Variants in DLG1 observed in about 807,000 individuals in gnomAD.
The protein encoded by DLG1 is disks large homolog 1.
A neutral mutation model predicts 123.4 loss-of-function variants in DLG1; 42 were observed. That is an observed-to-expected ratio of 0.34 (90% CI 0.27 to 0.44). The LOEUF is 0.44. Ranked by LOEUF, DLG1 falls within the 20% of genes least tolerant of loss-of-function variation. DLG1 has a pLI of 1.00. For missense variants in DLG1, 942 were observed against 1,082.6 expected, an observed-to-expected ratio of 0.87 and a Z score of 1.82; for synonymous variants, 317 against 356.2, an observed-to-expected ratio of 0.89 and a Z score of 1.24.
chr3:197,100,645 T>C (rs1480327201), intron 14 of DLG1, among the ~76,000 whole-genome samples: 1 of 150,518 alleles, frequency 6.6e-6, no homozygotes, highest in Non-Finnish European at 1.5e-5. Context: ...ATTCCAAGAG[T>C]TTAATGAGTA....
chr3:197,184,699 C>T (rs1340476484), intron 5 of DLG1, among the ~76,000 whole-genome samples: 1 of 152,160 alleles, frequency 6.6e-6, no homozygotes, highest in African/African-American at 2.4e-5. Flanking sequence ...TATAAACATT[C>T]ATATTACAAG....
intron 4 of DLG1, among the ~76,000 whole-genome samples, chr3:197,224,317 T>C (rs1429656929): frequency 6.6e-6 from 1 of 152,156 alleles, no homozygotes; most frequent in Admixed American, 6.6e-5. Flanking sequence ...TCTTAAAACC[T>C]TTTATAATAA....
chr3:197,175,294 G>A (rs1414880766), intron 5 of DLG1, among the ~76,000 whole-genome samples: 1 of 152,060 alleles, frequency 6.6e-6, no homozygotes. Flanking sequence ...AAAAATGGAG[G>A]GCTGGAAATG....
intron 18 of DLG1, among the ~76,000 whole-genome samples, chr3:197,073,181 G>A (rs958184890): frequency 6.6e-6 from 1 of 152,164 alleles, no homozygotes; most frequent in Non-Finnish European, 1.5e-5. Flanking sequence ...ATGAAAATAA[G>A]TCTGTTTTTG....
intron 23 of DLG1, among the ~76,000 whole-genome samples, chr3:197,058,900 A>C (rs181505087): frequency 1.0e-3 from 157 of 152,250 alleles, no homozygotes; most frequent in South Asian, 6.8e-3. Flanking sequence ...TTCCTGTTGG[A>C]GTGAATATTT....
chr3:197,049,128 G>A (rs569529977), intron 24 of DLG1, among the ~76,000 whole-genome samples: 66 of 22,332 alleles, frequency 3.0e-3, no homozygotes, highest in African/African-American at 0.013. Flanking sequence ...AGACCAGCAC[G>A]GCCAACCCTG....
intron 1 of DLG1, chr3:197,297,554 G>A: frequency 1.9e-6 from 2 of 1,076,092 alleles, no homozygotes; most frequent in Non-Finnish European, 2.3e-6. Context: ...CTGCTACTGG[G>A]TACGGGCGGG....
intron 22 of DLG1, among the ~76,000 whole-genome samples, chr3:197,061,241 T>G (rs143918863): frequency 1.3e-5 from 2 of 152,362 alleles, no homozygotes; most frequent in Non-Finnish European, 2.9e-5. Flanking sequence ...ATAGACACCA[T>G]GTACCCATTA....
intron 24 of DLG1, among the ~76,000 whole-genome samples, chr3:197,051,354 C>T (rs959445246): frequency 3.9e-5 from 6 of 151,988 alleles, no homozygotes; most frequent in South Asian, 2.1e-4. Flanking sequence ...GCCAGGGAGG[C>T]GGAGGTTGCG....
At chr3:197,277,725 A>C (rs1579226851) in intron 4 of DLG1, among the ~76,000 whole-genome samples, 1 of 151,464 alleles carries the variant, frequency 6.6e-6, no homozygotes, top group African/African-American at 2.4e-5. Flanking sequence ...AATTCCTCCT[A>C]CTCTTTACTC....
chr3:197,109,418 C>T (rs1358835266), intron 13 of DLG1, among the ~76,000 whole-genome samples: 2 of 152,184 alleles, frequency 1.3e-5, no homozygotes, highest in Admixed American at 1.3e-4. Flanking sequence ...AGTTTCTTTA[C>T]CCGCCTTGTG....
chr3:197,080,066 G>C (rs1388861738), intron 17 of DLG1, among the ~76,000 whole-genome samples: 1 of 151,372 alleles, frequency 6.6e-6, no homozygotes, highest in South Asian at 2.1e-4. Flanking sequence ...TATTCAGTTT[G>C]TTCTCCAGGC....
intron 7 of DLG1, among the ~76,000 whole-genome samples, chr3:197,141,777 C>T (rs997590803): frequency 2.0e-5 from 3 of 152,148 alleles, no homozygotes; most frequent in Admixed American, 6.5e-5. Flanking sequence ...GGCTAGAGTG[C>T]GATCTCGGCT....
At chr3:197,090,150 C>T (rs985414771) in intron 15 of DLG1, among the ~76,000 whole-genome samples, 4 of 151,936 alleles carry the variant, frequency 2.6e-5, no homozygotes, top group Non-Finnish European at 5.9e-5. Flanking sequence ...AGAATCAGGA[C>T]GACTGAGATG....
chr3:197,293,864 G>A (rs1421147682), intron 3 of DLG1: 2 of 152,584 alleles, frequency 1.3e-5, no homozygotes, highest in Non-Finnish European at 3.0e-5. Flanking sequence ...TTAATCCAGT[G>A]GTCCACAGGT....
At chr3:197,054,394 T>C (rs1578191819) in intron 23 of DLG1, among the ~76,000 whole-genome samples, 1 of 152,010 alleles carries the variant, frequency 6.6e-6, no homozygotes, top group African/African-American at 2.4e-5. Flanking sequence ...TGGTGTCTTA[T>C]AGGTCCCTTA....
In DLG1 at chr3:197,044,683, T is replaced by C. The variant is rs35370245; in HGVS notation, c.2622A>G (p.Lys874=). ...AACCAGATTGTTCTTCTATGATCTG[T>C]TTCACTTGGTTGTAAATGTCTTCCA... The part of the protein sequence containing the change: ...DTLEDIYNQV[K]QIIEEQSGSY... Residue 874 remains lysine, a synonymous_variant, in exon 25 of 25, where the codon AAA becomes AAG. Transcript: ENST00000667157. The C allele has an allele frequency of 0.046, 73,745 of 1,605,700 alleles. 2,039 individuals are homozygous for C. Among genetic ancestry groups the C allele is most frequent in the South Asian group, 0.054 (4,882 of 90,244 alleles).
intron 9 of DLG1, 100 bp downstream of exon 9, chr3:197,138,122 A>C (rs1417546340): frequency 9.5e-6 from 6 of 632,390 alleles, no homozygotes; most frequent in Non-Finnish European, 1.2e-5. Context: ...GTAGAATATT[A>C]CTAATACTGT....
intron 17 of DLG1, among the ~76,000 whole-genome samples, chr3:197,077,840 T>C (rs1044315034): frequency 3.9e-5 from 6 of 152,174 alleles, no homozygotes; most frequent in African/African-American, 9.7e-5. Flanking sequence ...CCAGTGACAC[T>C]AAGAATTATT....
Sources: allele counts gnomAD v4.1 joint callset (sites outside exome capture counted in the v4.1 genomes callset), GRCh38; gene constraint gnomAD v4.1.1; transcripts MANE v1.5; gene names NCBI Gene and HGNC (gene_info 2026-07-23, HGNC 2026-07-21).